Variants in SUCLA2 observed in about 807,000 individuals in gnomAD.
The protein encoded by SUCLA2 is succinate-CoA ligase ADP-forming subunit beta.
Under a neutral mutation model 54.8 loss-of-function variants are expected in SUCLA2, and 30 were observed. The ratio of observed to expected loss-of-function variants is 0.55; its 90% CI spans 0.41 to 0.74. The LOEUF is 0.74. Ranked by LOEUF, SUCLA2 falls within the 30% of genes least tolerant of loss-of-function variation. SUCLA2 has a pLI of 0.00. For missense variants in SUCLA2, 476 were observed against 562.9 expected, an observed-to-expected ratio of 0.85 and a Z score of 1.56; for synonymous variants, 172 against 188.9, an observed-to-expected ratio of 0.91 and a Z score of 0.74.
chr13:47,943,608 G>A (rs983387840), intron 10 of SUCLA2, among the ~76,000 whole-genome samples, 163 bp from the exon 11 acceptor site: 2 of 151,784 alleles, frequency 1.3e-5, no homozygotes. Context: ...ATTCTCAAAG[G>A]ATAATCAAGT....
chr13:47,973,425 A>G (rs752764499), intron 4 of SUCLA2, 33 bp from the exon 5 acceptor site: 1 of 1,609,894 alleles, frequency 6.2e-7, no homozygotes, highest in African/African-American at 1.3e-5. Context: ...AAAACTCTAG[A>G]TTTATTTTAG....
chr13:47,983,830 A>G lies in SUCLA2; in HGVS notation c.534+4711T>C, dbSNP rs553528204. 5.3e-5 allele frequency among the ~76,000 whole-genome samples: 8 copies of G among 152,302 alleles called. No individual in the cohort carries two copies. In the South Asian group the frequency reaches 1.7e-3, roughly 32 times the overall value. On this transcript the variant is annotated intron_variant, in intron 4 of 10. Coordinates refer to ENST00000646932, the MANE Select transcript of SUCLA2 (RefSeq NM_003850.3). ...TTACTCTCTTTTTATACCAACTGGT[A>G]AAAGAAATGAAAAGCCACAGAGAAG... is the stretch of plus-strand genomic sequence containing the variant.
chr13:47,986,919 T>G (rs1261666771), intron 4 of SUCLA2, among the ~76,000 whole-genome samples: 8 of 152,184 alleles, frequency 5.3e-5, no homozygotes, highest in Non-Finnish European at 1.2e-4. Flanking sequence ...TTTTTGTTGT[T>G]CAACAGAGAT....
chr13:47,964,862 A>G (rs1162745455), intron 6 of SUCLA2, among the ~76,000 whole-genome samples: 1 of 152,244 alleles, frequency 6.6e-6, no homozygotes, highest in East Asian at 1.9e-4. Context: ...GTCTCAAAAA[A>G]AAAATGTCAT....
chr13:47,988,750 A>C lies in SUCLA2; in HGVS notation c.372-47T>G, dbSNP rs753481616. The C allele has an allele frequency of 1.7e-5, 28 of 1,610,724 alleles. No homozygotes were observed. In the Admixed American group the frequency reaches 4.2e-4, roughly 24 times the overall value. Reference sequence around the variant, plus strand: ...AAATTTTTCTTTCCTCCAGTTGAGAAAAAGCAAATCCACATAATAGCCAAA... The same window carrying C: ...AAATTTTTCTTTCCTCCAGTTGAGACAAAGCAAATCCACATAATAGCCAAA... On this transcript the variant is annotated intron_variant, in intron 3 of 10. Coordinates refer to ENST00000646932, the MANE Select transcript of SUCLA2 (RefSeq NM_003850.3).
intron 8 of SUCLA2, 138 bp downstream of exon 8, chr13:47,954,002 T>C (rs1437086198): frequency 2.1e-5 from 16 of 770,556 alleles, no homozygotes; most frequent in Non-Finnish European, 2.8e-5. Flanking sequence ...CAAGATATGA[T>C]AGCAAAAAAA....
intron 5 of SUCLA2, among the ~76,000 whole-genome samples, chr13:47,972,651 G>A (rs1410574450): frequency 8.6e-5 from 12 of 139,834 alleles, no homozygotes; most frequent in Non-Finnish European, 1.2e-4. Flanking sequence ...CCTGGGTGAC[G>A]GAGCAAGACT....
chr13:48,001,053 G>C, intron 1 of SUCLA2, 127 bp downstream of exon 1: 2 of 1,511,496 alleles, frequency 1.3e-6, no homozygotes, highest in Non-Finnish European at 1.8e-6. Flanking sequence ...AGTCGCCCGA[G>C]GGCCTTGCAG....
intron 6 of SUCLA2, among the ~76,000 whole-genome samples, chr13:47,965,126 C>T (rs1277686582): frequency 2.6e-5 from 4 of 151,724 alleles, no homozygotes; most frequent in South Asian, 2.1e-4. Flanking sequence ...CTGATACAAA[C>T]GAATGGGGCA....
At chr13:47,971,067 A>T (rs1949959355) in intron 5 of SUCLA2, among the ~76,000 whole-genome samples, 1 of 151,502 alleles carries the variant, frequency 6.6e-6, no homozygotes, top group South Asian at 2.1e-4. Context: ...ATCAATAATA[A>T]AAAAAAAGAA....
intron 6 of SUCLA2, among the ~76,000 whole-genome samples, chr13:47,966,517 G>T (rs1033010385): frequency 1.2e-5 from 1 of 86,008 alleles, no homozygotes; most frequent in South Asian, 3.4e-4. Flanking sequence ...AAAAGTAATT[G>T]CCGTTTTTAA....
At chr13:47,951,981 T>C (rs1949779910) in intron 8 of SUCLA2, among the ~76,000 whole-genome samples, 1 of 117,196 alleles carries the variant, frequency 8.5e-6, no homozygotes, top group South Asian at 2.9e-4. Flanking sequence ...ATCCCTTCCA[T>C]GCCTTTGTAA....
chr13:47,990,391 T>C (rs1000372265), intron 2 of SUCLA2, among the ~76,000 whole-genome samples: 1 of 152,072 alleles, frequency 6.6e-6, no homozygotes, highest in Non-Finnish European at 1.5e-5. Flanking sequence ...ATGCCCTGAA[T>C]TGATCATTAC....
rs531344038 is a variant in SUCLA2, at chr13:48,001,053, G to A, written c.90+127C>T. On this transcript the variant is annotated intron_variant, in intron 1 of 10. Coordinates refer to ENST00000646932, the MANE Select transcript of SUCLA2 (RefSeq NM_003850.3). ...CAGCACTCCCAGGCAAGTCGCCCGA[G>A]GGCCTTGCAGGGCACCCAGAAAATG... is the stretch of plus-strand genomic sequence containing the variant. 56 of 1,511,494 alleles carry A rather than the reference G, an allele frequency of 3.7e-5. No individual in the cohort carries two copies. The East Asian group carries it at 4.0e-4, about 11-fold the overall frequency. 93.6% of individuals were successfully genotyped at this position (1,511,494 alleles called of 1,614,324 possible).
At chr13:47,985,075 C>T (rs368629265) in intron 4 of SUCLA2, among the ~76,000 whole-genome samples, 5 of 152,310 alleles carry the variant, frequency 3.3e-5, no homozygotes, top group African/African-American at 1.2e-4. Context: ...AATTCACTTT[C>T]TGGCAAGCCA....
At chr13:47,964,781 T>C (rs962112472) in intron 6 of SUCLA2, among the ~76,000 whole-genome samples, 3 of 151,798 alleles carry the variant, frequency 2.0e-5, no homozygotes, top group South Asian at 2.1e-4. Flanking sequence ...GGCATGAACC[T>C]GGGAGGCGGA....
intron 6 of SUCLA2, among the ~76,000 whole-genome samples, chr13:47,964,296 G>A (rs1949897809): frequency 6.6e-6 from 1 of 152,038 alleles, no homozygotes; most frequent in African/African-American, 2.4e-5. Context: ...GTGATTTTCA[G>A]GGCACAGGGA....
chr13:47,979,399 A>T (rs2137730149), intron 4 of SUCLA2, among the ~76,000 whole-genome samples: 1 of 152,228 alleles, frequency 6.6e-6, no homozygotes, highest in South Asian at 2.1e-4. Flanking sequence ...CAGAAAACCA[A>T]ACACCGCATG....
intron 5 of SUCLA2, among the ~76,000 whole-genome samples, chr13:47,969,171 G>A (rs1422910063): frequency 3.9e-5 from 6 of 152,010 alleles, no homozygotes; most frequent in East Asian, 1.9e-4. Flanking sequence ...CAGGAGTTAC[G>A]GACCAGCCTG....
Sources: allele counts gnomAD v4.1 joint callset (sites outside exome capture counted in the v4.1 genomes callset), GRCh38; gene constraint gnomAD v4.1.1; transcripts MANE v1.5; gene names NCBI Gene and HGNC (gene_info 2026-07-23, HGNC 2026-07-21).